The following DNAAF6 variants were observed in gnomAD, a reference collection of about 807,000 sequenced individuals.
DNAAF6 encodes the protein dynein axonemal assembly factor 6.
DNAAF6 carries 3 observed loss-of-function variants against 13.7 expected under a neutral mutation model. The ratio of observed to expected loss-of-function variants is 0.22; its 90% confidence interval spans 0.10 to 0.56. The LOEUF is 0.56. DNAAF6 is among the 20% of genes least tolerant of loss of function. DNAAF6 has a pLI of 0.92. For missense variants in DNAAF6, 130 were observed against 151.0 expected (o/e 0.86, Z 0.73); for synonymous variants, 54 against 49.2 (o/e 1.10, Z -0.41).
At chrX:107,220,083 G>A (rs1825091673) in intron 4 of DNAAF6, among the ~76,000 whole-genome samples, 1 of 112,033 alleles carries the variant, frequency 8.9e-6, no homozygotes, top group South Asian at 3.7e-4. Context: ...ACAGGCATGA[G>A]CCACTGCGCC....
At position 107,216,341 on chromosome X, in the gene DNAAF6, C is replaced by T. The variant is rs776600160; in HGVS notation, c.154-330C>T. ...AAGTGTCAATGCCTTTATACTAATACTTGGTTCTAACCTTCATAGAGATGA... is the reference window on the plus strand; with the variant it reads ...AAGTGTCAATGCCTTTATACTAATATTTGGTTCTAACCTTCATAGAGATGA... On this transcript the variant is annotated intron_variant, in intron 2 of 6. Coordinates refer to ENST00000372453, the MANE Select transcript of DNAAF6 (RefSeq NM_173494.2). Among the ~76,000 whole-genome samples, 9 of 111,811 alleles carry T rather than the reference C, an allele frequency of 8.0e-5. No individual in the cohort carries two copies. The South Asian group carries it at 3.4e-3, about 42-fold the overall frequency.
chrX:107,228,021 A>G (rs1405253337), intron 5 of DNAAF6, among the ~76,000 whole-genome samples: 5 of 111,725 alleles, frequency 4.5e-5, no homozygotes, highest in African/African-American at 1.6e-4. Flanking sequence ...TATCTGAATC[A>G]CATGGTCTGG....
chrX:107,212,885 G>A lies in DNAAF6; in HGVS notation c.10G>A (p.Glu4Lys). ...TCTTTTTCTTCAGATAATGGAATCTGAAAATATGGATTCTGAAAATATGAA... is the reference window on the plus strand; with the variant it reads ...TCTTTTTCTTCAGATAATGGAATCTAAAAATATGGATTCTGAAAATATGAA... MES[E>K]NMDSENMKTE... The change falls in exon 2 of 7, where the codon GAA becomes AAA. Residue 4 changes from glutamate (E) to lysine (K), a missense_variant. Physicochemically the swap from Glu to Lys is moderately conservative, Grantham distance 56 (BLOSUM62 1). Coordinates refer to ENST00000372453, the MANE Select transcript of DNAAF6 (RefSeq NM_173494.2). 1 of 1,186,106 alleles carries A rather than the reference G, an allele frequency of 8.4e-7. No individual in the cohort carries two copies. The highest frequency in any genetic ancestry group is 1.1e-6 in the Non-Finnish European group (1 of 884,344).
At chrX:107,240,822 TAAG>T (rs891564917) in intron 6 of DNAAF6, among the ~76,000 whole-genome samples, 13 of 111,929 alleles carry the variant, frequency 1.2e-4, no homozygotes, top group East Asian at 2.8e-4. Context: ...AAGTGAATTC[TAAG>T]AATTTCATAA....
intron 5 of DNAAF6, among the ~76,000 whole-genome samples, chrX:107,229,127 C>CTTTGTTTTTTTTTTTTTTTTTT (rs1928322617): frequency 1.9e-5 from 1 of 51,586 alleles, no homozygotes; most frequent in African/African-American, 1.1e-4. Context: ...GTTGACTACT[C>CTTTGTTTTTTTTTTTTTTTTTT]TTTTTTTTTT....
chrX:107,242,949 A>T (rs1928654065), intron 6 of DNAAF6, among the ~76,000 whole-genome samples: 1 of 111,284 alleles, frequency 9.0e-6, no homozygotes, highest in South Asian at 3.8e-4. Context: ...TCGGAGAAAA[A>T]TAGGGGCGCC....
chrX:107,213,220 T>A (rs746469877), intron 2 of DNAAF6, among the ~76,000 whole-genome samples, 192 bp downstream of exon 2: 214 of 112,086 alleles, frequency 1.9e-3, no homozygotes, highest in Middle Eastern at 4.6e-3. Context: ...TATATTTTTC[T>A]AAACCACCTG....
At chrX:107,227,001 A>G (rs1928271404) in intron 5 of DNAAF6, among the ~76,000 whole-genome samples, 1 of 112,249 alleles carries the variant, frequency 8.9e-6, no homozygotes, top group African/African-American at 3.2e-5. Flanking sequence ...AATCATTTTG[A>G]GCAAAGTATT....
intron 5 of DNAAF6, 106 bp from the exon 6 acceptor site, chrX:107,238,816 C>T (rs182950503): frequency 1.8e-6 from 2 of 1,109,693 alleles, no homozygotes; most frequent in Non-Finnish European, 2.4e-6. Context: ...TAGCCTGGCA[C>T]ATAGTTGACA....
At chrX:107,239,645 C>T (rs1250615316) in intron 6 of DNAAF6, among the ~76,000 whole-genome samples, 1 of 111,190 alleles carries the variant, frequency 9.0e-6, no homozygotes, top group Non-Finnish European at 1.9e-5. Flanking sequence ...CTTAGGACTT[C>T]AAGAAAATGA....
At chrX:107,207,483 A>G (rs1927735518) in intron 1 of DNAAF6, 1 of 111,763 alleles carries the variant, frequency 8.9e-6, no homozygotes, top group Non-Finnish European at 1.9e-5. Context: ...GACCAAAAAA[A>G]TTAAATCTGA....
intron 3 of DNAAF6, among the ~76,000 whole-genome samples, chrX:107,218,601 T>C (rs1158674185): frequency 7.2e-5 from 8 of 111,107 alleles, no homozygotes; most frequent in Non-Finnish European, 1.5e-4. Context: ...GCAGTTGGAT[T>C]GTAGATTATT....
At chrX:107,222,879 C>T in intron 5 of DNAAF6, 38 bp downstream of exon 5, 1 of 1,173,110 alleles carries the variant, frequency 8.5e-7, no homozygotes, top group Non-Finnish European at 1.1e-6. Context: ...TCTATACAAC[C>T]ATTGTAGCTA....
intron 4 of DNAAF6, among the ~76,000 whole-genome samples, chrX:107,220,922 TC>T: frequency 1.3e-5 from 1 of 78,304 alleles, no homozygotes; most frequent in Non-Finnish European, 2.3e-5. Context: ...TTTCTTTCTT[TC>T]TTTCTTTCTT....
intron 1 of DNAAF6, among the ~76,000 whole-genome samples, chrX:107,211,605 A>G (rs1031112141): frequency 8.9e-6 from 1 of 112,166 alleles, no homozygotes; most frequent in South Asian, 3.7e-4. Context: ...CGTTCCAAGG[A>G]GGACCATCCC....
In DNAAF6 at chrX:107,243,325, T is replaced by C. The variant is rs1211560310; in HGVS notation, c.*27T>C. On this transcript the variant is annotated 3_prime_UTR_variant, in exon 7 of 7. Transcript: ENST00000372453. ...ACTGCATGAAAAAGATAAAAAGTAG[T>C]AAAATGGCATTGGTAACAATTAAAA... The C allele has an allele frequency of 2.5e-6, 3 of 1,178,732 alleles. No individual in the cohort carries two copies. The highest frequency in any genetic ancestry group is 5.0e-5 in the Admixed American group (2 of 39,733).
intron 3 of DNAAF6, among the ~76,000 whole-genome samples, chrX:107,218,563 A>G (rs1048503126): frequency 1.2e-4 from 13 of 110,870 alleles, no homozygotes; most frequent in African/African-American, 4.2e-4. Flanking sequence ...ATGATACACA[A>G]CAGAATACTA....
At chrX:107,238,584 AAGGTCCCCAACTCTAAC>A (rs749205573) in intron 5 of DNAAF6, among the ~76,000 whole-genome samples, 5 of 111,786 alleles carry the variant, frequency 4.5e-5, no homozygotes, top group Non-Finnish European at 9.4e-5. Context: ...AAGGCAGTTG[AAGGTCCCCAACTCTAAC>A]AGGTGTACTA....
intron 6 of DNAAF6, among the ~76,000 whole-genome samples, chrX:107,240,267 T>C (rs1415028686): frequency 8.9e-6 from 1 of 112,134 alleles, no homozygotes; most frequent in Non-Finnish European, 1.9e-5. Flanking sequence ...AATGTACTTA[T>C]ATATTAAATG....
Sources: allele counts gnomAD v4.1 joint callset (sites outside exome capture counted in the v4.1 genomes callset), GRCh38; gene constraint gnomAD v4.1.1; transcripts MANE v1.5; gene names NCBI Gene and HGNC (gene_info 2026-07-23, HGNC 2026-07-21).